SLC5A12: variants seen among roughly 807,000 people sequenced by gnomAD.
SLC5A12 encodes the protein solute carrier family 5 member 12.
In SLC5A12, 46 loss-of-function variants were observed where a neutral mutation model predicts 72.7. The ratio of observed to expected loss-of-function variants is 0.63; its 90% CI spans 0.50 to 0.81. The LOEUF (loss-of-function observed/expected upper bound fraction) is 0.81, where lower values mean the gene tolerates loss of function less well. Ranked by LOEUF, SLC5A12 falls within the 30% of genes least tolerant of loss-of-function variation. The pLI, the probability that SLC5A12 is intolerant of heterozygous loss-of-function variation, is 0.00. For missense variants in SLC5A12, 683 were observed against 740.7 expected, an observed-to-expected ratio of 0.92 and a Z score of 0.90; for synonymous variants, 275 against 264.4, an observed-to-expected ratio of 1.04 and a Z score of -0.39.
At chr11:26,702,305 T>C (rs1854976206) in intron 6 of SLC5A12, among the ~76,000 whole-genome samples, 1 of 152,204 alleles carries the variant, frequency 6.6e-6, no homozygotes, top group Non-Finnish European at 1.5e-5. Context: ...CTATGAAATA[T>C]ATAAGGAGAA....
chr11:26,699,453 T>G (rs1433838322), intron 6 of SLC5A12, among the ~76,000 whole-genome samples: 1 of 152,230 alleles, frequency 6.6e-6, no homozygotes, highest in Non-Finnish European at 1.5e-5. Context: ...AAGTCCACAT[T>G]TATAAGGCAA....
intron 9 of SLC5A12, among the ~76,000 whole-genome samples, chr11:26,687,088 T>C (rs1854554676): frequency 6.6e-6 from 1 of 152,172 alleles, no homozygotes; most frequent in Non-Finnish European, 1.5e-5. Context: ...TTACATTACA[T>C]AATGATTTGT....
chr11:26,673,366 C>T, intron 14 of SLC5A12, 36 bp downstream of exon 14: 4 of 1,499,084 alleles, frequency 2.7e-6, no homozygotes, highest in Non-Finnish European at 3.6e-6. Flanking sequence ...CCCTTTGAGT[C>T]CATACACATT....
intron 13 of SLC5A12, among the ~76,000 whole-genome samples, chr11:26,674,015 A>G (rs1423741684): frequency 6.6e-6 from 1 of 152,070 alleles, no homozygotes; most frequent in African/African-American, 2.4e-5. Flanking sequence ...CCTCCCAGGT[A>G]CTTTAAGCAT....
intron 10 of SLC5A12, 24 bp from the exon 11 acceptor site, chr11:26,683,867 T>C (rs770303706): frequency 6.4e-7 from 1 of 1,565,754 alleles, no homozygotes; most frequent in East Asian, 2.3e-5. Context: ...GCAGACCAGA[T>C]GAATCCCCTA....
chr11:26,685,445 C>T (rs1158760076), intron 10 of SLC5A12, among the ~76,000 whole-genome samples: 1 of 151,948 alleles, frequency 6.6e-6, no homozygotes, highest in African/African-American at 2.4e-5. Context: ...TATGGCGAAA[C>T]TCCATCTCTA....
intron 9 of SLC5A12, chr11:26,691,833 T>C (rs1651828111): frequency 6.6e-6 from 1 of 152,254 alleles, no homozygotes; most frequent in Non-Finnish European, 1.5e-5. Context: ...ATTGCATGAT[T>C]AAGCAAGGGG....
intron 4 of SLC5A12, among the ~76,000 whole-genome samples, chr11:26,704,701 A>C (rs1590732580): frequency 6.6e-6 from 1 of 152,162 alleles, no homozygotes; most frequent in Non-Finnish European, 1.5e-5. Flanking sequence ...GATGAAAAGA[A>C]GTGGATGGAC....
chr11:26,695,797 TA>T (rs953271637), intron 8 of SLC5A12, among the ~76,000 whole-genome samples: 6 of 152,130 alleles, frequency 3.9e-5, no homozygotes, highest in South Asian at 4.2e-4. Flanking sequence ...TACCACTTCA[TA>T]AAGGCTTGTT....
chr11:26,682,043 TA>T (rs776637821), intron 11 of SLC5A12, among the ~76,000 whole-genome samples: 50 of 151,914 alleles, frequency 3.3e-4, no homozygotes, highest in Non-Finnish European at 6.2e-4. Flanking sequence ...AAATTTCTAA[TA>T]TAACAGTCAG....
intron 11 of SLC5A12, 104 bp from the exon 12 acceptor site, chr11:26,681,325 C>T: frequency 3.0e-6 from 3 of 997,366 alleles, no homozygotes; most frequent in Non-Finnish European, 4.1e-6. Context: ...GCTTTCCATC[C>T]CAAATCTTGG....
chr11:26,698,329 A>G (rs1854875627), intron 7 of SLC5A12, 77 bp downstream of exon 7: 1 of 1,545,644 alleles, frequency 6.5e-7, no homozygotes, highest in South Asian at 1.3e-5. Flanking sequence ...GAAAAAGAGA[A>G]AGGCCAAGAT....
chr11:26,721,834 G>A lies in SLC5A12; in HGVS notation c.-120C>T, dbSNP rs116513768. ...AGAGGAGAGACTGTGATTCCCTGAA[G>A]AAAATGATTACCAGAGGCACTCGTG... On this transcript the variant is annotated 5_prime_UTR_variant, in exon 1 of 15. Coordinates refer to ENST00000396005, the MANE Select transcript of SLC5A12 (RefSeq NM_178498.4). The A allele has an allele frequency of 2.8e-3, 2,423 of 856,090 alleles. 49 individuals are homozygous for A. In the African/African-American group the frequency reaches 0.034, roughly 12 times the overall value. 53.0% of individuals were successfully genotyped at this position (856,090 alleles called of 1,614,324 possible).
intron 14 of SLC5A12, among the ~76,000 whole-genome samples, chr11:26,671,851 A>G (rs1379442607): frequency 6.6e-6 from 1 of 152,136 alleles, no homozygotes; most frequent in Non-Finnish European, 1.5e-5. Flanking sequence ...TGCTTCTAGA[A>G]CTTCCTCAAA....
Position 26,671,227 on chromosome 11 carries a change from G to A in SLC5A12, c.1732C>T (p.Arg578Trp), listed in dbSNP as rs187905818. ...EQENLENGSA[R>W]KQGAESVLQN... ...AAGACAGATTCAGCCCCCTGTTTCCGGGCACTGCCATTCTCAAGGTTTTCC... is the reference window on the plus strand; with the variant it reads ...AAGACAGATTCAGCCCCCTGTTTCCAGGCACTGCCATTCTCAAGGTTTTCC... Residue 578 changes from arginine (R) to tryptophan (W), a missense_variant, in exon 15 of 15, where the codon CGG (arginine) becomes TGG (tryptophan). Physicochemically the swap from Arg to Trp is moderately radical, Grantham distance 101. Transcript: ENST00000396005. The A allele has an allele frequency of 5.8e-5, 93 of 1,602,080 alleles. No homozygotes were observed. The East Asian group carries it at 8.2e-4, about 14-fold the overall frequency.
chr11:26,723,126 A>T (rs1361581274), upstream of SLC5A12, among the ~76,000 whole-genome samples: 1 of 152,160 alleles, frequency 6.6e-6, no homozygotes, highest in African/African-American at 2.4e-5. Context: ...ATTTTTAGAA[A>T]GGAGAAAACT....
intron 13 of SLC5A12, among the ~76,000 whole-genome samples, chr11:26,676,603 A>G (rs1854273467): frequency 6.6e-6 from 1 of 152,180 alleles, no homozygotes; most frequent in South Asian, 2.1e-4. Flanking sequence ...GCCACTTGAT[A>G]CACCAACAAT....
intron 1 of SLC5A12, among the ~76,000 whole-genome samples, chr11:26,719,193 TATTTC>T (rs1855422200): frequency 6.6e-6 from 1 of 152,248 alleles, no homozygotes; most frequent in South Asian, 2.1e-4. Flanking sequence ...ACAGTGTTTT[TATTTC>T]ATTTAATTTC....
chr11:26,686,259 G>C (rs976013715), intron 10 of SLC5A12, among the ~76,000 whole-genome samples: 6 of 151,544 alleles, frequency 4.0e-5, no homozygotes, highest in African/African-American at 1.2e-4. Flanking sequence ...TGATTTAATA[G>C]TTTCCCCTTC....
Sources: allele counts gnomAD v4.1 joint callset (sites outside exome capture counted in the v4.1 genomes callset), GRCh38; gene constraint gnomAD v4.1.1; transcripts MANE v1.5; gene names NCBI Gene and HGNC (gene_info 2026-07-23, HGNC 2026-07-21).